STAU2: variants seen among roughly 807,000 people sequenced by gnomAD.
STAU2 encodes staufen double-stranded RNA binding protein 2, also known as double-stranded RNA-binding protein Staufen homolog 2.
In STAU2, 20 loss-of-function variants were observed where a neutral mutation model predicts 65.9. The observed-to-expected ratio is 0.30, with a 90% CI of 0.21 to 0.44. The LOEUF (loss-of-function observed/expected upper bound fraction) is 0.44. STAU2 is among the 20% of genes least tolerant of loss of function. The pLI is 1.00. For missense variants in STAU2, 558 were observed against 683.9 expected, an observed-to-expected ratio of 0.82 and a Z score of 2.05; for synonymous variants, 232 against 233.9, an observed-to-expected ratio of 0.99 and a Z score of 0.07.
intron 6 of STAU2, among the ~76,000 whole-genome samples, chr8:73,631,707 T>A (rs1814098561): frequency 1.3e-5 from 2 of 152,224 alleles, no homozygotes; most frequent in South Asian, 4.1e-4. Context: ...AACATGAGAA[T>A]GTCAACAAAT....
chr8:73,626,171 AC>A (rs1207162222), intron 6 of STAU2, among the ~76,000 whole-genome samples: 3 of 152,158 alleles, frequency 2.0e-5, no homozygotes, highest in African/African-American at 7.2e-5. Context: ...AAAAAGATTA[AC>A]AGGGGCTCCT....
At chr8:73,733,045 T>C (rs1806182060) in intron 3 of STAU2, 1 of 152,006 alleles carries the variant, frequency 6.6e-6, no homozygotes, top group Admixed American at 6.6e-5. Flanking sequence ...AAACTTTTTT[T>C]TTTTTTTTAA....
chr8:73,743,774 A>ATT lies in STAU2; in HGVS notation c.-197+3007_-197+3008dup, dbSNP rs202012327. ...CAAGCATGAGCCACCATGCCCGGAC[A>ATT]TTTTTTTTTTTTTTTGAGACTGAGT... On this transcript the variant is annotated intron_variant, in intron 1 of 14. Coordinates refer to ENST00000524300, the MANE Select transcript of STAU2 (RefSeq NM_001164380.2). Among the ~76,000 whole-genome samples the ATT allele has an allele frequency of 6.5e-5, 8 of 123,568 alleles. 1 individual carries two copies. Among genetic ancestry groups the ATT allele is most frequent in the Non-Finnish European group, 8.5e-5 (5 of 59,014 alleles). 81.1% of individuals were successfully genotyped at this position (123,568 alleles called of 152,430 possible). A position where few individuals can be genotyped will look rare whatever the true frequency, so the allele number is the denominator to read the frequency against.
chr8:73,564,814 C>T (rs1166297362), intron 12 of STAU2, among the ~76,000 whole-genome samples: 1 of 152,176 alleles, frequency 6.6e-6, no homozygotes, highest in African/African-American at 2.4e-5. Flanking sequence ...CCCATATCTG[C>T]ACTGGTTTTC....
rs534824752 is a variant in STAU2, at chr8:73,660,457, G to C, written c.410+12650C>G. On this transcript the variant is annotated intron_variant, in intron 6 of 14. Coordinates refer to ENST00000524300, the MANE Select transcript of STAU2 (RefSeq NM_001164380.2). ...ACCAAGATTAAGTGGTGATCCCTGG[G>C]CCTGCCTGGCTGCCTCTAAAAACAG... is the stretch of plus-strand genomic sequence containing the variant. Among the ~76,000 whole-genome samples the C allele has an allele frequency of 2.0e-5, 3 of 152,280 alleles. 1 individual carries two copies. The South Asian group carries it at 6.2e-4, about 32-fold the overall frequency.
At chr8:73,625,440 A>G (rs1435489378) in intron 6 of STAU2, among the ~76,000 whole-genome samples, 1 of 152,234 alleles carries the variant, frequency 6.6e-6, no homozygotes, top group Non-Finnish European at 1.5e-5. Flanking sequence ...AAGTGAAAGA[A>G]GCTAGATACA....
intron 13 of STAU2, among the ~76,000 whole-genome samples, chr8:73,475,758 A>G (rs549148296): frequency 1.3e-5 from 2 of 152,300 alleles, no homozygotes; most frequent in Non-Finnish European, 2.9e-5. Flanking sequence ...TCTGATACCC[A>G]AAGAGGTTAA....
At chr8:73,573,371 A>G (rs1020370384) in intron 12 of STAU2, among the ~76,000 whole-genome samples, 3 of 152,252 alleles carry the variant, frequency 2.0e-5, no homozygotes, top group East Asian at 3.8e-4. Flanking sequence ...CAAGCTACCA[A>G]TGACTTTCTT....
chr8:73,523,506 C>T (rs1159027188), intron 13 of STAU2, among the ~76,000 whole-genome samples: 1 of 152,074 alleles, frequency 6.6e-6, no homozygotes, highest in Non-Finnish European at 1.5e-5. Flanking sequence ...CAAACGCAGT[C>T]ATGTTTCTAC....
chr8:73,465,109 A>G (rs16938670), intron 13 of STAU2, among the ~76,000 whole-genome samples: 11,322 of 152,266 alleles, frequency 0.074, 847 homozygotes, highest in African/African-American at 0.19. Flanking sequence ...GAGCAGAAAA[A>G]TGCAAAGGAG....
rs55814743 is a variant in STAU2, at chr8:73,649,869, T to TTATATATATA, written c.410+23228_410+23237dup. On this transcript the variant is annotated intron_variant, in intron 6 of 14. Transcript: ENST00000524300. ...TAGTATATATGTCTTCTATATAATT[T>TTATATATATA]TATATATATATATATATATATATAT... Among the ~76,000 whole-genome samples the TTATATATATA allele has an allele frequency of 3.0e-3, 214 of 71,504 alleles. 1 individual carries two copies. Among genetic ancestry groups the TTATATATATA allele is most frequent in the South Asian group, 5.6e-3 (9 of 1,610 alleles). 46.9% of individuals were successfully genotyped at this position (71,504 alleles called of 152,430 possible). A position where few individuals can be genotyped will look rare whatever the true frequency, so the allele number is the denominator to read the frequency against.
intron 13 of STAU2, chr8:73,441,208 T>C (rs1458947564): frequency 2.0e-5 from 3 of 152,284 alleles, no homozygotes; most frequent in Non-Finnish European, 2.9e-5. Context: ...ATTATATATT[T>C]AACCATTTAC....
chr8:73,590,013 G>A (rs369840494), intron 11 of STAU2, among the ~76,000 whole-genome samples: 2 of 150,008 alleles, frequency 1.3e-5, no homozygotes, highest in South Asian at 4.2e-4. Flanking sequence ...GAGGGAAGAG[G>A]AGAGAAGAAG....
intron 4 of STAU2, among the ~76,000 whole-genome samples, chr8:73,693,297 C>T (rs1388178074): frequency 6.6e-6 from 1 of 152,020 alleles, no homozygotes; most frequent in Non-Finnish European, 1.5e-5. Context: ...CACGGTGAAA[C>T]CCCATCTCTA....
chr8:73,746,371 T>G (rs905526106), intron 1 of STAU2, among the ~76,000 whole-genome samples: 1 of 150,352 alleles, frequency 6.7e-6, no homozygotes, highest in Non-Finnish European at 1.5e-5. Flanking sequence ...CTCGCCGTCC[T>G]CTCTTCCGGC....
Position 73,738,338 on chromosome 8 carries a change from C to A in STAU2, c.-72G>T, listed in dbSNP as rs375973716. On this transcript the variant is annotated 5_prime_UTR_variant, in exon 3 of 15. Coordinates refer to ENST00000524300, the MANE Select transcript of STAU2 (RefSeq NM_001164380.2). ...ATTGACCAAACTGCTGTATCCCTCA[C>A]GGCTCCAAAAACTGGAAAACGAAAA... 9.1e-5 allele frequency: 144 copies of A among 1,580,170 alleles called. No homozygotes were observed. In the African/African-American group the frequency reaches 1.7e-3, roughly 19 times the overall value.
intron 6 of STAU2, chr8:73,653,982 G>T: frequency 7.2e-6 from 2 of 279,410 alleles, no homozygotes; most frequent in Non-Finnish European, 7.1e-6. Flanking sequence ...TTAGGAAGAG[G>T]GAAGGGGAGG....
At chr8:73,715,086 A>G (rs1586333890) in intron 3 of STAU2, among the ~76,000 whole-genome samples, 1 of 151,874 alleles carries the variant, frequency 6.6e-6, no homozygotes, top group East Asian at 1.9e-4. Context: ...CCGTCTCAAA[A>G]AAAAAAAAAA....
At position 73,433,447 on chromosome 8, in the gene STAU2, G is replaced by A. The variant is rs570768946; in HGVS notation, c.1531-10745C>T. ...TCTCGATCTCCTGACCTCATGATCC[G>A]CCCACCTCGGCCTCCCAAAGCGCTG... On this transcript the variant is annotated intron_variant, in intron 13 of 14. Transcript: ENST00000524300. 6.7e-5 allele frequency among the ~76,000 whole-genome samples: 10 copies of A among 148,458 alleles called. No individual in the cohort carries two copies. The East Asian group carries it at 2.0e-3, about 30-fold the overall frequency.
Sources: allele counts gnomAD v4.1 joint callset (sites outside exome capture counted in the v4.1 genomes callset), GRCh38; gene constraint gnomAD v4.1.1; transcripts MANE v1.5; gene names NCBI Gene and HGNC (gene_info 2026-07-23, HGNC 2026-07-21).